PAXBP1: variants seen among roughly 807,000 people sequenced by gnomAD.
PAXBP1 encodes the protein PAX3- and PAX7-binding protein 1.
A neutral mutation model predicts 119.9 loss-of-function variants in PAXBP1; 44 were observed. That is an observed-to-expected ratio of 0.37 (90% CI 0.29 to 0.47). The LOEUF is 0.47. Ranked by LOEUF, PAXBP1 falls within the 20% of genes least tolerant of loss-of-function variation. The pLI, the probability that PAXBP1 is intolerant of heterozygous loss-of-function variation, is 0.99. For missense variants in PAXBP1, 898 were observed against 1,134.1 expected (o/e 0.79, Z 2.99); for synonymous variants, 393 against 406.6 (o/e 0.97, Z 0.40).
At chr21:32,766,838 G>A (rs571979243) in intron 2 of PAXBP1, among the ~76,000 whole-genome samples, 1 of 152,200 alleles carries the variant, frequency 6.6e-6, no homozygotes. Context: ...CAAGAGAAAC[G>A]CTGGGCAATC....
At chr21:32,767,215 C>T (rs1400906101) in intron 2 of PAXBP1, among the ~76,000 whole-genome samples, 1 of 152,122 alleles carries the variant, frequency 6.6e-6, no homozygotes, top group African/African-American at 2.4e-5. Flanking sequence ...CAAGTCAATA[C>T]CGTGGTTATT....
At chr21:32,741,452 A>G (rs757793388) in intron 15 of PAXBP1, 4 of 673,176 alleles carry the variant, frequency 5.9e-6, no homozygotes, top group East Asian at 5.2e-5. Flanking sequence ...TTTAGGTTTA[A>G]CGAAATATGT....
At chr21:32,770,353 T>C (rs2044316542) in intron 1 of PAXBP1, among the ~76,000 whole-genome samples, 1 of 152,190 alleles carries the variant, frequency 6.6e-6, no homozygotes, top group Admixed American at 6.5e-5. Context: ...GCTGACATAG[T>C]GGTTTTAAAG....
chr21:32,744,936 G>A (rs1285655147), intron 12 of PAXBP1, 23 bp from the exon 13 acceptor site: 30 of 1,592,216 alleles, frequency 1.9e-5, no homozygotes, highest in Non-Finnish European at 2.5e-5. Context: ...AAAGAGGATT[G>A]AGACACAGAA....
rs2044137237 is a variant in PAXBP1 at position 32,761,104 on chromosome 21, G to A, written c.930C>T (p.Ser310=). The stretch of plus-strand genomic sequence containing the variant: ...TCCTTATCTGCTCCTGTTCCCATCG[G>A]CTGAGCTCTTCATCCTGTTCTCCAG... The part of the protein sequence containing the change: ...LVTGEQDEEL[S]RWEQEQIRKG... The change falls in exon 5 of 18, where the codon AGC becomes AGT. Residue 310 remains serine, a synonymous_variant. Coordinates refer to ENST00000331923, the MANE Select transcript of PAXBP1 (RefSeq NM_016631.4). 1 of 1,613,842 alleles carries A rather than the reference G, an allele frequency of 6.2e-7. No homozygotes were observed. The highest frequency in any genetic ancestry group is 8.5e-7 in the Non-Finnish European group (1 of 1,179,962).
At position 32,747,573 on chromosome 21, in the gene PAXBP1, A is replaced by AT. The variant is rs898321295; in HGVS notation, c.1923+925dup. On this transcript the variant is annotated intron_variant, in intron 11 of 17. Transcript: ENST00000331923. The stretch of plus-strand genomic sequence containing the variant: ...GAGCTGAATGCTTCTCAGAGCTCAC[A>AT]TTTTTTTCAGTTGTGTTTCCATGGC... Among the ~76,000 whole-genome samples the AT allele has an allele frequency of 7.8e-4, 118 of 152,208 alleles. 1 individual carries two copies. Among genetic ancestry groups the AT allele is most frequent in the African/African-American group, 2.7e-3 (114 of 41,532 alleles).
chr21:32,756,316 G>C, intron 7 of PAXBP1: 1 of 533,378 alleles, frequency 1.9e-6, no homozygotes. Flanking sequence ...ACATTATTTA[G>C]AGTTTGGGAA....
In PAXBP1 at chr21:32,737,420, A is replaced by G; in HGVS notation, c.2482-12T>C. ...AAACAATTGATTACCTGTGGAGAAG[A>G]AAGACGTAAAATAAAATAGTTAAGA... is the stretch of plus-strand genomic sequence containing the variant. On this transcript the variant is annotated splice_polypyrimidine_tract_variant and intron_variant, in intron 16 of 17. Transcript: ENST00000331923. 1.3e-6 allele frequency: 2 copies of G among 1,588,984 alleles called. No individual in the cohort carries two copies. Among genetic ancestry groups the G allele is most frequent in the Non-Finnish European group, 1.7e-6 (2 of 1,168,526 alleles).
At chr21:32,768,610 TG>T (rs1471102469) in intron 2 of PAXBP1, among the ~76,000 whole-genome samples, 1 of 152,226 alleles carries the variant, frequency 6.6e-6, no homozygotes, top group Non-Finnish European at 1.5e-5. Flanking sequence ...CCACTATTAA[TG>T]GATCAAAGCT....
Position 32,744,883 on chromosome 21 carries a change from GA to G in PAXBP1, c.2098del (p.Ser700LeufsTer13). ...CACCATTCTTGAAGTCTGTGTTGTA[GA>G]AAAAGGGTCCCACATATTTTCAGCT... Reference protein sequence around the residue: ...VIAENMWDPFSTTQTSRMVGI... With the variant: ...VIAENMWDPFXTTQTSRMVGI... On this transcript the variant is annotated frameshift_variant, in exon 13 of 18. Transcript: ENST00000331923. LOFTEE classifies it high-confidence loss of function. 3 of 1,604,440 alleles carry G rather than the reference GA, an allele frequency of 1.9e-6. No homozygotes were observed. The highest frequency in any genetic ancestry group is 1.7e-5 in the Admixed American group (1 of 58,358).
chr21:32,760,041 G>A, intron 5 of PAXBP1, 47 bp from the exon 6 acceptor site: 1 of 1,461,462 alleles, frequency 6.8e-7, no homozygotes. Flanking sequence ...TTAAAACTTT[G>A]AAAATAATAA....
Position 32,745,863 on chromosome 21 carries a change from T to G in PAXBP1, c.1924-145A>C, listed in dbSNP as rs950619720. ...GGCTGGAGATATCATGCTACCAGAC[T>G]TCAAACTATAAGGCCACAGTAACCA... On this transcript the variant is annotated intron_variant, in intron 11 of 17. Transcript: ENST00000331923. The G allele has an allele frequency of 8.3e-6, 8 of 963,168 alleles. No homozygotes were observed. In the African/African-American group the frequency reaches 1.3e-4, roughly 16 times the overall value. 59.7% of individuals were successfully genotyped at this position (963,168 alleles called of 1,614,324 possible).
intron 15 of PAXBP1, among the ~76,000 whole-genome samples, chr21:32,739,938 T>A (rs73363017): frequency 0.022 from 1,021 of 47,004 alleles, 19 homozygotes; most frequent in South Asian, 0.069. Flanking sequence ...CTCGTCTCTT[T>A]AAAAAAAAAA....
Position 32,769,905 on chromosome 21 carries a change from A to G in PAXBP1, c.381T>C (p.Tyr127=). The G allele has an allele frequency of 6.3e-7, 1 of 1,577,946 alleles. No homozygotes were observed. Among genetic ancestry groups the G allele is most frequent in the Non-Finnish European group, 8.6e-7 (1 of 1,158,426 alleles). The change falls in exon 2 of 18, where the codon TAT becomes TAC. Residue 127 remains tyrosine (Y), a synonymous_variant. Transcript: ENST00000331923. ...EEVFKVKKSS[Y]SKKIVKLLKK... is the part of the protein sequence containing the mutation. Reference sequence around the variant, plus strand: ...TGAGCAATTTTACTATCTTTTTGCTATAACTTGATTTCTTCACTTTGAAAA... The same window carrying G: ...TGAGCAATTTTACTATCTTTTTGCTGTAACTTGATTTCTTCACTTTGAAAA...
At position 32,738,295 on chromosome 21, in the gene PAXBP1, A is replaced by G. The variant is rs746793281; in HGVS notation, c.2359T>C (p.Tyr787His). The change falls in exon 16 of 18, where the codon TAT becomes CAT. Residue 787 changes from tyrosine (Y) to histidine (H), a missense_variant. This residue lies in a region of PAXBP1 where 599 missense variants were observed against 852.7 expected (regional missense o/e 0.70). Coordinates refer to ENST00000331923, the MANE Select transcript of PAXBP1 (RefSeq NM_016631.4). ...VKLLGNFLQW[Y>H]GIFSNKTLQE... Reference sequence around the variant, plus strand: ...AGAGTTTTATTTGAGAAAATGCCATACCACTGAAGAAAATTGCCTAACAGC... The same window carrying G: ...AGAGTTTTATTTGAGAAAATGCCATGCCACTGAAGAAAATTGCCTAACAGC... 20 of 1,589,578 alleles carry G rather than the reference A, an allele frequency of 1.3e-5. No individual in the cohort carries two copies. The African/African-American group carries it at 2.3e-4, about 18-fold the overall frequency.
In PAXBP1 at chr21:32,771,382, C is replaced by T; in HGVS notation, c.287G>A (p.Arg96His). 1 of 1,581,092 alleles carries T rather than the reference C, an allele frequency of 6.3e-7. No individual in the cohort carries two copies. Among genetic ancestry groups the T allele is most frequent in the Non-Finnish European group, 8.5e-7 (1 of 1,171,692 alleles). The change falls in exon 1 of 18, where the codon CGC (arginine) becomes CAC (histidine). Residue 96 changes from arginine to histidine, a missense_variant. By Grantham distance (29) the Arg-to-His change is conservative (BLOSUM62 0). Transcript: ENST00000331923. ...GGCCCGGGGCACCTCTTTGTTCTCG[C>T]GAGGCCTCTTGCGCGGCTTCAGCCC... ...GNGLKPRKRP[R>H]ENKEVPRASL...
In PAXBP1 at chr21:32,755,303, C is replaced by T. The variant is rs2044026270; in HGVS notation, c.1434G>A (p.Gln478=). The change falls in exon 8 of 18, where the codon CAG becomes CAA. Residue 478 remains glutamine (Q), a synonymous_variant. Transcript: ENST00000331923. Reference sequence around the variant, plus strand: ...GTCTTTGGACAAGGCGGGAAGCTCGCTGTTTGTACAGCTGATGTATTGCTG... The same window carrying T: ...GTCTTTGGACAAGGCGGGAAGCTCGTTGTTTGTACAGCTGATGTATTGCTG... ...LESAIHQLYK[Q]RASRLVQRRQ... 1 of 1,613,516 alleles carries T rather than the reference C, an allele frequency of 6.2e-7. No homozygotes were observed. Among genetic ancestry groups the T allele is most frequent in the Non-Finnish European group, 8.5e-7 (1 of 1,179,710 alleles).
intron 12 of PAXBP1, among the ~76,000 whole-genome samples, chr21:32,745,254 T>C (rs77981298): frequency 0.013 from 1,999 of 152,306 alleles, 47 homozygotes; most frequent in African/African-American, 0.046. Flanking sequence ...GAGGAACTTA[T>C]GAAAGCATTT....
chr21:32,742,733 C>T (rs139339104), intron 15 of PAXBP1: 5 of 275,514 alleles, frequency 1.8e-5, no homozygotes, highest in African/African-American at 6.7e-5. Flanking sequence ...TGGCACAGTA[C>T]AATAACATAT....
Sources: allele counts gnomAD v4.1 joint callset (sites outside exome capture counted in the v4.1 genomes callset), GRCh38; gene constraint gnomAD v4.1.1; regional missense constraint gnomAD v4.1.1; transcripts MANE v1.5; gene names NCBI Gene and HGNC (gene_info 2026-07-23, HGNC 2026-07-21).